Variants in CRTAC1 observed in about 807,000 individuals in gnomAD.
The protein encoded by CRTAC1 is cartilage acidic protein 1.
A neutral mutation model predicts 67.8 loss-of-function variants in CRTAC1; 37 were observed. The ratio of observed to expected loss-of-function variants is 0.55; its 90% CI spans 0.42 to 0.72. The LOEUF (loss-of-function observed/expected upper bound fraction) is 0.72. Ranked by LOEUF, CRTAC1 falls within the 30% of genes least tolerant of loss-of-function variation. CRTAC1 has a pLI of 0.00. For synonymous variants in CRTAC1, 348 were observed against 371.0 expected (o/e 0.94, Z 0.71); for missense variants, 780 against 931.6 (o/e 0.84, Z 2.12).
intron 2 of CRTAC1, among the ~76,000 whole-genome samples, chr10:97,937,554 A>G (rs891513664): frequency 3.3e-5 from 5 of 152,242 alleles, no homozygotes; most frequent in Non-Finnish European, 5.9e-5. Context: ...GCCTAGAACC[A>G]TGCCTAGTAT....
intron 2 of CRTAC1, among the ~76,000 whole-genome samples, chr10:97,976,823 T>C (rs1176231988): frequency 2.6e-5 from 4 of 152,358 alleles, no homozygotes; most frequent in Admixed American, 2.6e-4. Context: ...ATCTTCTTGA[T>C]TACAGGACTG....
chr10:98,005,348 A>G (rs1239094279), intron 2 of CRTAC1, among the ~76,000 whole-genome samples: 3 of 150,588 alleles, frequency 2.0e-5, no homozygotes, highest in Non-Finnish European at 4.4e-5. Context: ...CAGGTGATCC[A>G]CCTGCCTCGG....
intron 2 of CRTAC1, among the ~76,000 whole-genome samples, chr10:98,003,765 C>T (rs896935042): frequency 7.9e-5 from 12 of 152,170 alleles, no homozygotes; most frequent in African/African-American, 2.9e-4. Flanking sequence ...AACTGGCACA[C>T]TTGTTCTGTG....
chr10:97,934,920 A>C (rs1034656909), intron 3 of CRTAC1, among the ~76,000 whole-genome samples: 3 of 127,776 alleles, frequency 2.3e-5, no homozygotes, highest in African/African-American at 9.0e-5. Flanking sequence ...AGATCCTGAG[A>C]GCTGAGCCTA....
chr10:97,878,241 T>C (rs2050169423), intron 14 of CRTAC1, among the ~76,000 whole-genome samples: 1 of 152,216 alleles, frequency 6.6e-6, no homozygotes, highest in Admixed American at 6.5e-5. Context: ...TTCAGATCTT[T>C]AGTTCTATGT....
intron 11 of CRTAC1, among the ~76,000 whole-genome samples, chr10:97,885,754 C>G (rs1357713589): frequency 6.6e-6 from 1 of 152,188 alleles, no homozygotes; most frequent in East Asian, 1.9e-4. Context: ...ACAGCCCACT[C>G]TATCACCCAT....
intron 2 of CRTAC1, among the ~76,000 whole-genome samples, chr10:97,948,677 T>G (rs2051302905): frequency 6.6e-6 from 1 of 152,046 alleles, no homozygotes; most frequent in Non-Finnish European, 1.5e-5. Context: ...GAAGATAGAA[T>G]GAGGTGGAAG....
intron 2 of CRTAC1, among the ~76,000 whole-genome samples, chr10:97,971,408 G>C (rs994566724): frequency 6.6e-6 from 1 of 152,218 alleles, no homozygotes; most frequent in Non-Finnish European, 1.5e-5. Flanking sequence ...GCCGCAGAAA[G>C]GCAAACATTG....
intron 14 of CRTAC1, among the ~76,000 whole-genome samples, chr10:97,873,146 C>CTTCCAGAGATGAAAT (rs1564871489): frequency 3.3e-5 from 5 of 152,154 alleles, no homozygotes; most frequent in African/African-American, 4.8e-5. Context: ...AGAGATGAAA[C>CTTCCAGAGATGAAAT]AACTTCTTAA....
chr10:97,931,030 C>A (rs1292695011), intron 3 of CRTAC1, among the ~76,000 whole-genome samples: 1 of 151,988 alleles, frequency 6.6e-6, no homozygotes, highest in South Asian at 2.1e-4. Context: ...AAGGAAAAGA[C>A]CAATAATCAA....
intron 2 of CRTAC1, among the ~76,000 whole-genome samples, chr10:98,006,282 T>C (rs2136689763): frequency 6.6e-6 from 1 of 152,320 alleles, no homozygotes; most frequent in East Asian, 1.9e-4. Flanking sequence ...AAAACAGTCC[T>C]GAAGATCCTA....
At chr10:98,001,101 C>T (rs1278584522) in intron 2 of CRTAC1, among the ~76,000 whole-genome samples, 1 of 152,060 alleles carries the variant, frequency 6.6e-6, no homozygotes, top group Non-Finnish European at 1.5e-5. Flanking sequence ...ATAATGGGTC[C>T]GTTCACCAGG....
rs946868501 is a variant in CRTAC1, at chr10:97,989,068, G to A, written c.224+22070C>T. On this transcript the variant is annotated intron_variant, in intron 2 of 14. Transcript: ENST00000370597. ...CATCCCCTGCCTCACTGCAGAGCTG[G>A]GGCATCTCATCTCATCTTCTCCTGC... 7.2e-5 allele frequency among the ~76,000 whole-genome samples: 11 copies of A among 152,292 alleles called. No individual in the cohort carries two copies. The South Asian group carries it at 2.3e-3, about 32-fold the overall frequency.
chr10:97,929,856 T>C (rs997591786), intron 3 of CRTAC1, among the ~76,000 whole-genome samples: 1 of 152,216 alleles, frequency 6.6e-6, no homozygotes, highest in African/African-American at 2.4e-5. Context: ...TGATGTTAAG[T>C]ATAAAAGGCT....
chr10:97,879,610 A>G (rs2136536158), intron 14 of CRTAC1: 2 of 1,502,996 alleles, frequency 1.3e-6, no homozygotes, highest in South Asian at 2.6e-5. Context: ...GAGAGAGACA[A>G]GCAGCAGGAG....
chr10:98,013,993 A>G (rs1448939426), intron 1 of CRTAC1, among the ~76,000 whole-genome samples: 1 of 152,154 alleles, frequency 6.6e-6, no homozygotes, highest in African/African-American at 2.4e-5. Context: ...TGCCAAAGGC[A>G]CCCAATGCAC....
intron 11 of CRTAC1, among the ~76,000 whole-genome samples, chr10:97,892,372 G>A (rs1406049727): frequency 6.6e-6 from 1 of 152,174 alleles, no homozygotes; most frequent in East Asian, 1.9e-4. Context: ...ACAACGGAGT[G>A]GGGGAGTTGA....
chr10:97,926,728 A>G (rs1274246376), intron 3 of CRTAC1, among the ~76,000 whole-genome samples: 1 of 152,326 alleles, frequency 6.6e-6, no homozygotes, highest in Admixed American at 6.5e-5. Context: ...AATTTCCCAC[A>G]AAACTTAAAA....
At chr10:98,023,869 G>A (rs1843171255) in intron 1 of CRTAC1, among the ~76,000 whole-genome samples, 1 of 152,176 alleles carries the variant, frequency 6.6e-6, no homozygotes, top group South Asian at 2.1e-4. Flanking sequence ...CTCCCATCCT[G>A]AGCACAAGGA....
Sources: allele counts gnomAD v4.1 joint callset (sites outside exome capture counted in the v4.1 genomes callset), GRCh38; gene constraint gnomAD v4.1.1; transcripts MANE v1.5; gene names NCBI Gene and HGNC (gene_info 2026-07-23, HGNC 2026-07-21).